Variants in FHIT observed in about 807,000 individuals in gnomAD.
FHIT encodes the protein bis(5'-adenosyl)-triphosphatase.
In FHIT, 19 loss-of-function variants were observed where a neutral mutation model predicts 17.9. The observed-to-expected ratio is 1.06, with a 90% CI of 0.74 to 1.56. The LOEUF (loss-of-function observed/expected upper bound fraction) is 1.56, where lower values mean the gene tolerates loss of function less well. Among genes scored for constraint, FHIT ranks in the 40% most tolerant of loss-of-function variants. The pLI is 0.00. For synonymous variants in FHIT, 81 were observed against 69.7 expected, an observed-to-expected ratio of 1.16 and a Z score of -0.81; for missense variants, 248 against 189.2, an observed-to-expected ratio of 1.31 and a Z score of -1.82.
chr3:60,416,220 T>C (rs575824560), intron 5 of FHIT, among the ~76,000 whole-genome samples: 4 of 152,212 alleles, frequency 2.6e-5, no homozygotes, highest in African/African-American at 9.6e-5. Context: ...AAAGTCAATA[T>C]TCATAGGATA....
chr3:60,241,292 C>T (rs1288645539), intron 5 of FHIT, among the ~76,000 whole-genome samples: 1 of 152,010 alleles, frequency 6.6e-6, no homozygotes, highest in Non-Finnish European at 1.5e-5. Context: ...AAATGAAACA[C>T]CAGAAAATTT....
At chr3:60,464,305 A>G (rs1022357181) in intron 5 of FHIT, among the ~76,000 whole-genome samples, 1 of 152,164 alleles carries the variant, frequency 6.6e-6, no homozygotes, top group African/African-American at 2.4e-5. Flanking sequence ...ACAATACATA[A>G]TAATCACGTA....
At chr3:60,238,869 G>C (rs1192031974) in intron 5 of FHIT, among the ~76,000 whole-genome samples, 1 of 152,114 alleles carries the variant, frequency 6.6e-6, no homozygotes, top group Non-Finnish European at 1.5e-5. Context: ...GCTTTGGCAA[G>C]TACAAATGCA....
At chr3:60,170,989 C>A (rs1378094943) in intron 5 of FHIT, among the ~76,000 whole-genome samples, 1 of 152,082 alleles carries the variant, frequency 6.6e-6, no homozygotes, top group South Asian at 2.1e-4. Flanking sequence ...TTGGGGAGAA[C>A]TGGAGGCCTA....
At chr3:60,607,785 T>C (rs1324323961) in intron 4 of FHIT, among the ~76,000 whole-genome samples, 2 of 152,136 alleles carry the variant, frequency 1.3e-5, no homozygotes, top group Non-Finnish European at 1.5e-5. Context: ...TATACACACA[T>C]ATACATATAT....
intron 7 of FHIT, among the ~76,000 whole-genome samples, chr3:59,945,648 T>C (rs1345228930): frequency 6.6e-6 from 1 of 152,136 alleles, no homozygotes; most frequent in Non-Finnish European, 1.5e-5. Context: ...GTTTTTACAT[T>C]TAAGTCTTCA....
intron 4 of FHIT, among the ~76,000 whole-genome samples, chr3:60,654,882 G>A (rs886502374): frequency 2.3e-4 from 35 of 152,274 alleles, no homozygotes; most frequent in Non-Finnish European, 4.4e-4. Context: ...ATAGCTGACC[G>A]AGAATGGAAA....
intron 8 of FHIT, among the ~76,000 whole-genome samples, chr3:59,792,759 G>A (rs930085102): frequency 4.0e-5 from 6 of 151,770 alleles, no homozygotes; most frequent in Non-Finnish European, 2.9e-5. Flanking sequence ...GCTTCATTAG[G>A]TAGGAATGAA....
intron 5 of FHIT, among the ~76,000 whole-genome samples, chr3:60,062,427 G>A (rs1204479159): frequency 6.6e-6 from 1 of 152,112 alleles, no homozygotes; most frequent in Non-Finnish European, 1.5e-5. Flanking sequence ...TGTGCTGGAT[G>A]CTTAATATTT....
chr3:60,755,379 C>G (rs948407892), intron 4 of FHIT, among the ~76,000 whole-genome samples: 6 of 152,172 alleles, frequency 3.9e-5, no homozygotes, highest in African/African-American at 1.4e-4. Flanking sequence ...CATAGCTACC[C>G]GATCTTCCAA....
At chr3:61,226,574 A>G (rs1269311336) in intron 1 of FHIT, among the ~76,000 whole-genome samples, 1 of 152,122 alleles carries the variant, frequency 6.6e-6, no homozygotes, top group East Asian at 1.9e-4. Context: ...TCGTGATGAC[A>G]TTACTAGAGA....
At chr3:60,158,394 C>A (rs1700798938) in intron 5 of FHIT, among the ~76,000 whole-genome samples, 1 of 152,072 alleles carries the variant, frequency 6.6e-6, no homozygotes, top group Non-Finnish European at 1.5e-5. Context: ...GCACTGCAAC[C>A]TCCGCTTCCA....
chr3:60,827,576 T>A (rs185159185), intron 3 of FHIT, among the ~76,000 whole-genome samples: 13 of 152,344 alleles, frequency 8.5e-5, no homozygotes, highest in Non-Finnish European at 1.8e-4. Flanking sequence ...TCAGAGCTAC[T>A]ACACTGAATC....
chr3:60,522,932 T>G (rs185974530), intron 5 of FHIT, among the ~76,000 whole-genome samples: 1 of 152,264 alleles, frequency 6.6e-6, no homozygotes, highest in Admixed American at 6.5e-5. Flanking sequence ...AGAGGTTTAA[T>G]AGACTCATAG....
At chr3:60,564,544 G>C (rs912289964) in intron 4 of FHIT, among the ~76,000 whole-genome samples, 2 of 152,158 alleles carry the variant, frequency 1.3e-5, no homozygotes, top group African/African-American at 2.4e-5. Context: ...AAGCCATTAA[G>C]AACATTCATA....
At chr3:60,150,281 G>A (rs908794365) in intron 5 of FHIT, among the ~76,000 whole-genome samples, 1 of 152,110 alleles carries the variant, frequency 6.6e-6, no homozygotes, top group African/African-American at 2.4e-5. Context: ...ACAGGCATGA[G>A]CCACTGTGCC....
intron 8 of FHIT, among the ~76,000 whole-genome samples, chr3:59,785,526 G>A (rs903264423): frequency 4.6e-5 from 7 of 151,994 alleles, no homozygotes; most frequent in Non-Finnish European, 7.4e-5. Flanking sequence ...GGCCAAGCTG[G>A]TAATTCCAAG....
intron 5 of FHIT, among the ~76,000 whole-genome samples, chr3:60,298,632 C>T (rs746168514): frequency 2.0e-5 from 3 of 152,096 alleles, no homozygotes; most frequent in Non-Finnish European, 4.4e-5. Flanking sequence ...AATTTGAAAA[C>T]ATTCTCTTCC....
chr3:60,162,220 C>G (rs572829953), intron 5 of FHIT, among the ~76,000 whole-genome samples: 64 of 152,202 alleles, frequency 4.2e-4, no homozygotes, highest in African/African-American at 1.5e-3. Context: ...AAGGAGAGAC[C>G]ATTTTCAATA....
Sources: gnomAD v4.1 joint callset for allele counts (sites outside exome capture counted in the v4.1 genomes callset) on GRCh38, gnomAD v4.1.1 for gene constraint, MANE v1.5 for transcripts, NCBI Gene and HGNC (gene_info 2026-07-23, HGNC 2026-07-21) for gene names.